Variants in SPART observed in about 807,000 individuals in gnomAD.
The protein encoded by SPART is spartin.
A neutral mutation model predicts 58.7 loss-of-function variants in SPART; 35 were observed. The observed-to-expected ratio is 0.60, with a 90% CI of 0.46 to 0.79. The LOEUF (loss-of-function observed/expected upper bound fraction) is 0.79. Ranked by LOEUF, SPART falls within the 30% of genes least tolerant of loss-of-function variation. The pLI, the probability that SPART is intolerant of heterozygous loss-of-function variation, is 0.00. For missense variants in SPART, 730 were observed against 786.1 expected, an observed-to-expected ratio of 0.93 and a Z score of 0.85; for synonymous variants, 284 against 280.7, an observed-to-expected ratio of 1.01 and a Z score of -0.12.
intron 1 of SPART, among the ~76,000 whole-genome samples, chr13:36,361,384 C>T (rs1885854637): frequency 6.6e-6 from 1 of 152,060 alleles, no homozygotes; most frequent in African/African-American, 2.4e-5. Context: ...AATCGCTTTG[C>T]ATCATTCTTT....
chr13:36,351,063 A>G (rs1477038180), upstream of SPART, among the ~76,000 whole-genome samples: 1 of 152,210 alleles, frequency 6.6e-6, no homozygotes, highest in Non-Finnish European at 1.5e-5. Context: ...TTCATCTCAC[A>G]GTTGTTGCCA....
chr13:36,330,398 C>T (rs1347709061), intron 3 of SPART, among the ~76,000 whole-genome samples: 8 of 150,922 alleles, frequency 5.3e-5, no homozygotes, highest in South Asian at 2.1e-4. Flanking sequence ...AGGTCATTCT[C>T]GGGTGAACAG....
At chr13:36,311,402 A>G (rs1021868255) in intron 8 of SPART, among the ~76,000 whole-genome samples, 1 of 152,212 alleles carries the variant, frequency 6.6e-6, no homozygotes, top group Non-Finnish European at 1.5e-5. Flanking sequence ...ACCCATTCCA[A>G]TACAAATGTA....
In SPART at chr13:36,335,568, A is replaced by C; in HGVS notation, c.263T>G (p.Val88Gly). The change falls in exon 2 of 9, where the codon GTA (valine) becomes GGA (glycine). Residue 88 changes from valine (V) to glycine (G), a missense_variant. Physicochemically the swap from Val to Gly is moderately radical, Grantham distance 109. Coordinates refer to ENST00000438666, the MANE Select transcript of SPART (RefSeq NM_015087.5). ...QQKMKETLQN[V>G]RTRLEILEKG... is the part of the protein sequence containing the mutation. ...CTCTAGAATTTCCAGCCTGGTGCGT[A>C]CATTCTGTAGAGTTTCTTTCATTTT... The C allele has an allele frequency of 6.2e-7, 1 of 1,614,126 alleles. No individual in the cohort carries two copies. The highest frequency in any genetic ancestry group is 1.1e-5 in the South Asian group (1 of 91,078).
chr13:36,365,415 A>G (rs991186183), intron 1 of SPART: 5 of 339,978 alleles, frequency 1.5e-5, no homozygotes, highest in South Asian at 2.6e-5. Flanking sequence ...TTACTATGTT[A>G]TTATTATTCT....
chr13:36,320,176 C>T (rs1882224287), intron 5 of SPART, among the ~76,000 whole-genome samples: 3 of 152,166 alleles, frequency 2.0e-5, no homozygotes, highest in Admixed American at 2.0e-4. Context: ...CTCATAACTT[C>T]CAAAATCCAT....
At chr13:36,359,268 C>T (rs1885744095) in intron 1 of SPART, among the ~76,000 whole-genome samples, 1 of 152,206 alleles carries the variant, frequency 6.6e-6, no homozygotes, top group Non-Finnish European at 1.5e-5. Flanking sequence ...ATAACACGGT[C>T]AAGGTCTTGT....
At chr13:36,307,414 A>C (rs1184421752) in intron 8 of SPART, among the ~76,000 whole-genome samples, 2 of 152,124 alleles carry the variant, frequency 1.3e-5, no homozygotes, top group Non-Finnish European at 2.9e-5. Context: ...TTTTAATTAA[A>C]TTTCACTAAA....
At chr13:36,341,423 A>C (rs1884576815) in intron 1 of SPART, among the ~76,000 whole-genome samples, 2 of 152,210 alleles carry the variant, frequency 1.3e-5, no homozygotes, top group Admixed American at 1.3e-4. Flanking sequence ...CTTTCAGTTA[A>C]ATATTTTAGC....
intron 8 of SPART, among the ~76,000 whole-genome samples, chr13:36,309,243 C>CA (rs566701572): frequency 0.34 from 35,241 of 102,762 alleles, 4,960 homozygotes; most frequent in East Asian, 0.56. Flanking sequence ...AACTCCGTCT[C>CA]AAAAAAAAAA....
chr13:36,336,505 A>T (rs1269855629), intron 1 of SPART: 1 of 152,338 alleles, frequency 6.6e-6, no homozygotes, highest in Non-Finnish European at 1.5e-5. Flanking sequence ...AAATCGAGTG[A>T]TACCAACTAG....
rs548004856 is a variant in SPART, at chr13:36,334,802, CTT to C, written c.810+217_810+218del. On this transcript the variant is annotated intron_variant, in intron 2 of 8. Transcript: ENST00000438666. ...TCTTCTCAAGTTTTATCATCACAAA[CTT>C]AATACCAAAATAAAACTATTAATAT... Among the ~76,000 whole-genome samples the C allele has an allele frequency of 5.9e-5, 9 of 152,102 alleles. No individual in the cohort carries two copies. In the South Asian group the frequency reaches 1.9e-3, roughly 32 times the overall value.
intron 1 of SPART, among the ~76,000 whole-genome samples, chr13:36,337,389 A>G (rs1223995580): frequency 1.3e-5 from 2 of 152,108 alleles, no homozygotes; most frequent in African/African-American, 4.8e-5. Flanking sequence ...TGTAATACCC[A>G]TAATCCCCAG....
At chr13:36,342,805 CCAGA>C (rs757267194) in intron 1 of SPART, among the ~76,000 whole-genome samples, 23 of 152,300 alleles carry the variant, frequency 1.5e-4, no homozygotes, top group Admixed American at 3.9e-4. Context: ...AAAAAGGCTT[CCAGA>C]TCCTTTACTC....
intron 8 of SPART, among the ~76,000 whole-genome samples, chr13:36,310,547 T>C (rs1880983995): frequency 6.6e-6 from 1 of 152,214 alleles, no homozygotes; most frequent in Non-Finnish European, 1.5e-5. Flanking sequence ...AACCTAGTTG[T>C]ATCCCACCAC....
chr13:36,327,839 C>G (rs1044675230), intron 4 of SPART, among the ~76,000 whole-genome samples: 8 of 152,106 alleles, frequency 5.3e-5, no homozygotes, highest in Non-Finnish European at 8.8e-5. Context: ...ACTAAAAATA[C>G]AAACATTAGC....
Position 36,335,107 on chromosome 13 carries a change from G to C in SPART, c.724C>G (p.Pro242Ala), listed in dbSNP as rs750529740. The C allele has an allele frequency of 1.2e-6, 2 of 1,614,080 alleles. No individual in the cohort carries two copies. The highest frequency in any genetic ancestry group is 4.5e-5 in the East Asian group (2 of 44,878). ...ATTCGAAGGTACCCAGGATACGAAG[G>C]TGCACTAACCTCCCCTGCAGGATTT... ...FVNPAGEVSA[P>A]SYPGYLRIVR... Residue 242 changes from proline to alanine, a missense_variant, in exon 2 of 9, where the codon CCT (proline) becomes GCT (alanine). Coordinates refer to ENST00000438666, the MANE Select transcript of SPART (RefSeq NM_015087.5).
intron 4 of SPART, among the ~76,000 whole-genome samples, chr13:36,327,057 A>T (rs1417803557): frequency 6.6e-6 from 1 of 152,228 alleles, no homozygotes; most frequent in African/African-American, 2.4e-5. Flanking sequence ...TAAGATTAAA[A>T]GATTTTTGTT....
At chr13:36,338,507 A>G (rs1313035568) in intron 1 of SPART, among the ~76,000 whole-genome samples, 1 of 152,200 alleles carries the variant, frequency 6.6e-6, no homozygotes. Context: ...AAGAGCTGAA[A>G]AAAGAGGACT....
Sources: gnomAD v4.1 joint callset for allele counts (sites outside exome capture counted in the v4.1 genomes callset) on GRCh38, gnomAD v4.1.1 for gene constraint, MANE v1.5 for transcripts, NCBI Gene and HGNC (gene_info 2026-07-23, HGNC 2026-07-21) for gene names.